The following EEFSEC variants were observed in gnomAD, a reference collection of about 807,000 sequenced individuals.
The protein encoded by EEFSEC is selenocysteine-specific elongation factor.
A neutral mutation model predicts 42.1 loss-of-function variants in EEFSEC; 43 were observed. The ratio of observed to expected loss-of-function variants is 1.02; its 90% CI spans 0.80 to 1.32. The LOEUF (loss-of-function observed/expected upper bound fraction) is 1.32. Among genes scored for constraint, EEFSEC ranks in the 40% most tolerant of loss-of-function variants. EEFSEC has a pLI of 0.00. For synonymous variants in EEFSEC, 354 were observed against 339.1 expected (o/e 1.04, Z -0.48); for missense variants, 745 against 803.6 (o/e 0.93, Z 0.88).
intron 1 of EEFSEC, among the ~76,000 whole-genome samples, chr3:128,225,280 G>C (rs1255721554): frequency 6.6e-6 from 1 of 152,234 alleles, no homozygotes; most frequent in African/African-American, 2.4e-5. Context: ...AGTGAGGCAA[G>C]TCCAGCCCCA....
intron 1 of EEFSEC, among the ~76,000 whole-genome samples, chr3:128,228,823 T>A (rs1342009807): frequency 6.6e-6 from 1 of 152,186 alleles, no homozygotes; most frequent in Non-Finnish European, 1.5e-5. Context: ...AATGAGCTGA[T>A]GTATGCAATG....
chr3:128,349,233 G>C (rs112005530), intron 5 of EEFSEC, among the ~76,000 whole-genome samples: 9 of 152,124 alleles, frequency 5.9e-5, no homozygotes, highest in Admixed American at 3.3e-4. Flanking sequence ...CACCCTGCAG[G>C]GGGGAGTAAT....
At chr3:128,280,043 TGTCA>T (rs1161955535) in intron 4 of EEFSEC, among the ~76,000 whole-genome samples, 2 of 152,244 alleles carry the variant, frequency 1.3e-5, no homozygotes, top group Non-Finnish European at 2.9e-5. Context: ...CAGAGACTTT[TGTCA>T]GTCATGTTCC....
chr3:128,365,342 C>T (rs1369422024), intron 6 of EEFSEC, among the ~76,000 whole-genome samples: 1 of 152,196 alleles, frequency 6.6e-6, no homozygotes, highest in East Asian at 1.9e-4. Flanking sequence ...GTTGCAGGGG[C>T]CGCTGGGCTA....
chr3:128,288,987 T>G (rs2066614872), intron 4 of EEFSEC, among the ~76,000 whole-genome samples: 4 of 152,210 alleles, frequency 2.6e-5, no homozygotes, highest in Admixed American at 2.6e-4. Context: ...GGAGTAATGT[T>G]CTGCAGAAGT....
At chr3:128,187,166 G>T (rs1007687924) in intron 1 of EEFSEC, among the ~76,000 whole-genome samples, 21 of 152,194 alleles carry the variant, frequency 1.4e-4, no homozygotes, top group African/African-American at 4.8e-4. Flanking sequence ...CTATACAGGA[G>T]TGGGTACCCA....
At chr3:128,243,399 A>G (rs976228933) in intron 1 of EEFSEC, among the ~76,000 whole-genome samples, 5 of 152,222 alleles carry the variant, frequency 3.3e-5, no homozygotes, top group Non-Finnish European at 7.3e-5. Context: ...CGTGGAGCAC[A>G]TGAGTCATTC....
intron 1 of EEFSEC, among the ~76,000 whole-genome samples, chr3:128,219,157 G>A (rs185436176): frequency 6.6e-6 from 1 of 152,172 alleles, no homozygotes; most frequent in African/African-American, 2.4e-5. Flanking sequence ...TGGTGCAGTG[G>A]TACCATTTCC....
chr3:128,165,549 A>G (rs544338422), intron 1 of EEFSEC, among the ~76,000 whole-genome samples: 27 of 152,298 alleles, frequency 1.8e-4, no homozygotes, highest in African/African-American at 6.0e-4. Context: ...AGAAAAAACA[A>G]CTTTTGCTGT....
At chr3:128,403,340 G>A (rs775182660) in intron 6 of EEFSEC, among the ~76,000 whole-genome samples, 7 of 152,174 alleles carry the variant, frequency 4.6e-5, no homozygotes, top group Non-Finnish European at 8.8e-5. Context: ...TGTGAGCCAG[G>A]GGCAAGCAGA....
chr3:128,342,475 G>A (rs1291378740), intron 5 of EEFSEC, among the ~76,000 whole-genome samples: 1 of 152,266 alleles, frequency 6.6e-6, no homozygotes, highest in Non-Finnish European at 1.5e-5. Context: ...GGCTAAGGGT[G>A]CCAGAGAGCA....
intron 4 of EEFSEC, among the ~76,000 whole-genome samples, chr3:128,287,968 C>G (rs1013502071): frequency 6.6e-6 from 1 of 151,120 alleles, no homozygotes; most frequent in South Asian, 2.1e-4. Context: ...CCCCGCCCCC[C>G]CCAAAAAACT....
At chr3:128,217,087 A>C (rs1270139957) in intron 1 of EEFSEC, among the ~76,000 whole-genome samples, 1 of 152,234 alleles carries the variant, frequency 6.6e-6, no homozygotes, top group African/African-American at 2.4e-5. Context: ...TAGAAAGAAG[A>C]AAATAAAAGT....
intron 4 of EEFSEC, among the ~76,000 whole-genome samples, chr3:128,301,013 A>C (rs1301874415): frequency 6.6e-6 from 1 of 152,078 alleles, no homozygotes; most frequent in Non-Finnish European, 1.5e-5. Flanking sequence ...CATTATAGTT[A>C]AATAGGGATA....
chr3:128,334,291 C>G (rs1051039904), intron 4 of EEFSEC, among the ~76,000 whole-genome samples: 1 of 152,228 alleles, frequency 6.6e-6, no homozygotes, highest in Non-Finnish European at 1.5e-5. Flanking sequence ...TTGAGTCTTC[C>G]CTCTCTGCTT....
the EEFSEC span, among the ~76,000 whole-genome samples, chr3:128,414,953 G>A: frequency 6.6e-6 from 1 of 152,198 alleles, no homozygotes; most frequent in Non-Finnish European, 1.5e-5. Context: ...CTGACTGGAT[G>A]ATCGAGGGGA....
intron 6 of EEFSEC, among the ~76,000 whole-genome samples, chr3:128,363,036 T>C (rs541106037): frequency 6.6e-6 from 1 of 152,328 alleles, no homozygotes; most frequent in East Asian, 1.9e-4. Context: ...GGAGCTTCTA[T>C]TTACTGATTA....
chr3:128,377,654 G>A (rs1317941067), intron 6 of EEFSEC, among the ~76,000 whole-genome samples: 1 of 152,214 alleles, frequency 6.6e-6, no homozygotes, highest in Non-Finnish European at 1.5e-5. Context: ...AACATTGCTG[G>A]AAGCATCTCT....
intron 1 of EEFSEC, among the ~76,000 whole-genome samples, chr3:128,161,316 T>C (rs1425511189): frequency 2.0e-5 from 3 of 151,900 alleles, no homozygotes; most frequent in Admixed American, 6.6e-5. Flanking sequence ...AATCTAACTC[T>C]GGCAGGAAAG....
Sources: gnomAD v4.1 joint callset for allele counts (sites outside exome capture counted in the v4.1 genomes callset) on GRCh38, gnomAD v4.1.1 for gene constraint, MANE v1.5 for transcripts, NCBI Gene and HGNC (gene_info 2026-07-23, HGNC 2026-07-21) for gene names.